Variants in IGBP1 observed in about 807,000 individuals in gnomAD.
The protein encoded by IGBP1 is immunoglobulin-binding protein 1.
IGBP1 carries 2 observed loss-of-function variants against 25.9 expected under a neutral mutation model. The observed-to-expected ratio is 0.08, with a 90% CI of 0.03 to 0.24. The LOEUF (loss-of-function observed/expected upper bound fraction) is 0.24, where lower values mean the gene tolerates loss of function less well. IGBP1 is among the 10% of genes least tolerant of loss of function. The pLI is 1.00. For missense variants in IGBP1, 187 were observed against 260.4 expected (o/e 0.72, Z 1.94); for synonymous variants, 96 against 93.4 (o/e 1.03, Z -0.16).
chrX:70,133,708 G>A lies in IGBP1; in HGVS notation c.-225-15G>A, dbSNP rs188550469. The A allele has an allele frequency of 2.8e-4, 121 of 436,855 alleles. 1 individual carries two copies. The highest frequency in any genetic ancestry group is 2.0e-3 in the Admixed American group (48 of 24,231). The allele number at this position is 436,855 out of a possible 1,213,427, so 36.0% of individuals were successfully genotyped here. The stretch of plus-strand genomic sequence containing the variant: ...ACAGCGCCTAGGGTTTTGCTTGTTT[G>A]TTTGCTTTTAACAGATGCCTACGAC... On this transcript the variant is annotated splice_polypyrimidine_tract_variant and intron_variant, in intron 1 of 6. Coordinates refer to ENST00000356413, the MANE Select transcript of IGBP1 (RefSeq NM_001551.3).
chrX:70,135,633 G>A (rs758927941), intron 3 of IGBP1, among the ~76,000 whole-genome samples: 3 of 111,550 alleles, frequency 2.7e-5, no homozygotes, highest in East Asian at 5.6e-4. Flanking sequence ...GGCATTAGCC[G>A]GCAGAGTATG....
intron 3 of IGBP1, among the ~76,000 whole-genome samples, chrX:70,137,751 C>CAAA (rs752550128): frequency 1.4e-4 from 3 of 21,691 alleles, no homozygotes; most frequent in Non-Finnish European, 1.9e-4. Context: ...AATAATTATA[C>CAAA]AAAAAAAAAA....
At chrX:70,153,724 T>TTGCAGTCAAGCTGTCAGCTGGGGC (rs1289349531) in intron 6 of IGBP1, among the ~76,000 whole-genome samples, 2 of 111,805 alleles carry the variant, frequency 1.8e-5, no homozygotes, top group Non-Finnish European at 3.8e-5. Context: ...ATTCATGAGG[T>TTGCAGTCAAGCTGTCAGCTGGGGC]TGCAGTCAAG....
intron 6 of IGBP1, among the ~76,000 whole-genome samples, chrX:70,150,730 T>C (rs1016932527): frequency 2.7e-5 from 3 of 112,015 alleles, no homozygotes; most frequent in Non-Finnish European, 5.6e-5. Flanking sequence ...AGGTGTAAGC[T>C]GAAGGGCAGT....
intron 3 of IGBP1, among the ~76,000 whole-genome samples, chrX:70,135,284 T>G (rs780385649): frequency 5.4e-5 from 6 of 112,101 alleles, no homozygotes; most frequent in South Asian, 3.7e-4. Flanking sequence ...TTAGGTTTTT[T>G]TTGTTGTTGT....
chrX:70,161,557 TGTTAA>T (rs771569517), intron 6 of IGBP1, among the ~76,000 whole-genome samples: 188 of 111,864 alleles, frequency 1.7e-3, no homozygotes, highest in Non-Finnish European at 2.7e-3. Context: ...TTGAAAATAT[TGTTAA>T]GTTGATAATG....
intron 6 of IGBP1, among the ~76,000 whole-genome samples, chrX:70,150,834 A>T (rs955696251): frequency 1.8e-5 from 2 of 112,098 alleles, no homozygotes; most frequent in African/African-American, 6.5e-5. Context: ...TAATTGGATC[A>T]TAGTGGGTAC....
intron 3 of IGBP1, among the ~76,000 whole-genome samples, chrX:70,142,251 A>C (rs1403862977): frequency 8.9e-6 from 1 of 111,755 alleles, no homozygotes; most frequent in Non-Finnish European, 1.9e-5. Flanking sequence ...GGATGGCTTG[A>C]GTCTGAGAGG....
intron 6 of IGBP1, among the ~76,000 whole-genome samples, chrX:70,151,413 C>G (rs1249186173): frequency 2.7e-5 from 3 of 110,768 alleles, no homozygotes; most frequent in Non-Finnish European, 5.7e-5. Flanking sequence ...TGGGCTCAAG[C>G]AATCCTTCTG....
At position 70,135,919 on chromosome X, in the gene IGBP1, A is replaced by G. The variant is rs2085092156; in HGVS notation, c.482+1103A>G. 4.5e-5 allele frequency among the ~76,000 whole-genome samples: 5 copies of G among 111,983 alleles called. No individual in the cohort carries two copies. The South Asian group carries it at 1.9e-3, about 42-fold the overall frequency. Reference sequence around the variant, plus strand: ...TAATCACTGTGATTTGTGGTAAGTTATTTAATCTTTCAGTACCTTAATTTC... The same window carrying G: ...TAATCACTGTGATTTGTGGTAAGTTGTTTAATCTTTCAGTACCTTAATTTC... On this transcript the variant is annotated intron_variant, in intron 3 of 6. Transcript: ENST00000356413.
intron 6 of IGBP1, 117 bp from the exon 7 acceptor site, chrX:70,165,716 G>A: frequency 1.5e-6 from 1 of 646,810 alleles, no homozygotes; most frequent in Non-Finnish European, 2.5e-6. Context: ...GTAGGCAGCT[G>A]GCTGTATTCC....
rs767704167 is a variant in IGBP1 at position 70,160,716 on chromosome X, G to A, written c.872-5117G>A. Among the ~76,000 whole-genome samples, 209 of 112,030 alleles carry A rather than the reference G, an allele frequency of 1.9e-3. 1 individual carries two copies. Among genetic ancestry groups the A allele is most frequent in the African/African-American group, 6.3e-3 (195 of 30,893 alleles). On this transcript the variant is annotated intron_variant, in intron 6 of 6. Coordinates refer to ENST00000356413, the MANE Select transcript of IGBP1 (RefSeq NM_001551.3). ...TGAAATGAGGATTAAAAGGGAGATA[G>A]AGTATGTAATGCCTATGTGCCCAGA...
chrX:70,151,159 C>T (rs1467391064), intron 6 of IGBP1, among the ~76,000 whole-genome samples: 2 of 110,895 alleles, frequency 1.8e-5, no homozygotes, highest in African/African-American at 6.6e-5. Flanking sequence ...TGGGGTTTCA[C>T]CATGTTGGCC....
At position 70,146,712 on chromosome X, in the gene IGBP1, C is replaced by T; in HGVS notation, c.562C>T (p.Arg188Cys). The change falls in exon 4 of 7, where the codon CGT becomes TGT. Residue 188 changes from arginine (R) to cysteine (C), a missense_variant. Physicochemically the swap from Arg to Cys is radical, Grantham distance 180 (BLOSUM62 -3). Transcript: ENST00000356413. ...AVESGQADDE[R>C]VREYYLLHLQ... Reference sequence around the variant, plus strand: ...GGAAAGTGGTCAAGCAGATGATGAGCGTGTTCGTGAATATTATCTTCTTCA... The same window carrying T: ...GGAAAGTGGTCAAGCAGATGATGAGTGTGTTCGTGAATATTATCTTCTTCA... The T allele has an allele frequency of 2.5e-6, 3 of 1,204,172 alleles. No homozygotes were observed. Among genetic ancestry groups the T allele is most frequent in the Non-Finnish European group, 3.4e-6 (3 of 889,749 alleles).
chrX:70,146,947 C>T (rs2085170711), intron 4 of IGBP1, 119 bp downstream of exon 4: 5 of 547,407 alleles, frequency 9.1e-6, no homozygotes, highest in Non-Finnish European at 1.3e-5. Context: ...ATAGAAAGGC[C>T]GAAGGGTCAC....
intron 6 of IGBP1, among the ~76,000 whole-genome samples, chrX:70,151,011 A>G (rs974491265): frequency 3.8e-5 from 4 of 104,831 alleles, no homozygotes; most frequent in Non-Finnish European, 5.8e-5. Flanking sequence ...TCCAGGCTGG[A>G]GTGCAATGGC....
chrX:70,159,908 C>T (rs2085262089), intron 6 of IGBP1, among the ~76,000 whole-genome samples: 2 of 111,612 alleles, frequency 1.8e-5, no homozygotes, highest in South Asian at 7.6e-4. Flanking sequence ...GGATGCAGTG[C>T]AATGTTGGCT....
intron 6 of IGBP1, chrX:70,163,924 A>G (rs1389869685): frequency 8.9e-6 from 1 of 112,168 alleles, no homozygotes; most frequent in Non-Finnish European, 1.9e-5. Context: ...ACATTTTTAA[A>G]TAGGCAAGGC....
intron 3 of IGBP1, among the ~76,000 whole-genome samples, chrX:70,143,628 T>C (rs1284248536): frequency 9.4e-6 from 1 of 105,823 alleles, no homozygotes; most frequent in Non-Finnish European, 1.9e-5. Flanking sequence ...TATTTCCATG[T>C]AATGGCCCAC....
Sources: gnomAD v4.1 joint callset for allele counts (sites outside exome capture counted in the v4.1 genomes callset) on GRCh38, gnomAD v4.1.1 for gene constraint, MANE v1.5 for transcripts, NCBI Gene and HGNC (gene_info 2026-07-23, HGNC 2026-07-21) for gene names.